The following REXO5 variants were observed in gnomAD, a reference collection of about 807,000 sequenced individuals.
REXO5 encodes RNA exonuclease 5.
Under a neutral mutation model 88.5 loss-of-function variants are expected in REXO5, and 48 were observed. The observed-to-expected ratio is 0.54, with a 90% CI of 0.43 to 0.69. The LOEUF (loss-of-function observed/expected upper bound fraction) is 0.69, where lower values mean the gene tolerates loss of function less well. REXO5 is among the 30% of genes least tolerant of loss of function. The pLI is 0.00. For synonymous variants in REXO5, 311 were observed against 336.5 expected, an observed-to-expected ratio of 0.92 and a Z score of 0.83; for missense variants, 749 against 912.2, an observed-to-expected ratio of 0.82 and a Z score of 2.30.
intron 5 of REXO5, among the ~76,000 whole-genome samples, chr16:20,817,288 A>G (rs1324156441): frequency 6.6e-6 from 1 of 152,122 alleles, no homozygotes; most frequent in African/African-American, 2.4e-5. Context: ...TTGATCTGCA[A>G]TTGTATTTGA....
chr16:20,822,110 A>G (rs1476400643), intron 6 of REXO5, among the ~76,000 whole-genome samples: 2 of 152,242 alleles, frequency 1.3e-5, no homozygotes, highest in African/African-American at 4.8e-5. Flanking sequence ...GATTTTAGGT[A>G]GTACATGAAT....
chr16:20,810,767 C>G (rs2080985735), intron 2 of REXO5, among the ~76,000 whole-genome samples: 1 of 152,130 alleles, frequency 6.6e-6, no homozygotes, highest in Non-Finnish European at 1.5e-5. Context: ...TATATTTGAT[C>G]AATCCTTATT....
intron 13 of REXO5, among the ~76,000 whole-genome samples, chr16:20,839,423 A>T: frequency 6.7e-6 from 1 of 149,436 alleles, no homozygotes; most frequent in Non-Finnish European, 1.5e-5. Flanking sequence ...TGCTTTCCCT[A>T]CTCACAGGCT....
chr16:20,820,170 G>A lies in REXO5; in HGVS notation c.476-1592G>A, dbSNP rs78930454. On this transcript the variant is annotated intron_variant, in intron 5 of 19. Transcript: ENST00000261377. ...CCCCATTACGTATTGAATGGTGGAC[G>A]AAAGTTAATTATGCTCCTGTCTCAA... Among the ~76,000 whole-genome samples, 17 of 152,196 alleles carry A rather than the reference G, an allele frequency of 1.1e-4. 1 individual carries two copies. In the East Asian group the frequency reaches 2.9e-3, roughly 26 times the overall value.
intron 18 of REXO5, 150 bp from the exon 19 acceptor site, chr16:20,846,071 G>A (rs372302462): frequency 4.2e-5 from 28 of 666,748 alleles, no homozygotes; most frequent in Non-Finnish European, 8.0e-6. Context: ...CAGAGAACCT[G>A]CAGTGTGGGC....
intron 15 of REXO5, among the ~76,000 whole-genome samples, chr16:20,840,700 GC>G (rs1272523082): frequency 1.3e-5 from 2 of 152,188 alleles, no homozygotes; most frequent in Non-Finnish European, 2.9e-5. Flanking sequence ...GGGCGCAGTG[GC>G]CTATACCTGT....
Position 20,821,772 on chromosome 16 carries a change from T to G in REXO5, c.486T>G (p.Pro162=). Residue 162 remains proline (P), a synonymous_variant, in exon 6 of 20, where the codon CCT becomes CCG. Transcript: ENST00000261377. ...DLPKTMEGPL[P]SNAKAAINLQ... Reference sequence around the variant, plus strand: ...TTGTTTTTCTTTCAGGGCCTTTACCTTCTAATGCAAAAGCCGCCATCAACC... The same window carrying G: ...TTGTTTTTCTTTCAGGGCCTTTACCGTCTAATGCAAAAGCCGCCATCAACC... 6.3e-7 allele frequency: 1 copy of G among 1,585,080 alleles called. No individual in the cohort carries two copies. The highest frequency in any genetic ancestry group is 8.5e-7 in the Non-Finnish European group (1 of 1,171,600).
chr16:20,816,769 T>C (rs892337926), intron 5 of REXO5, among the ~76,000 whole-genome samples: 2 of 152,212 alleles, frequency 1.3e-5, no homozygotes, highest in African/African-American at 2.4e-5. Flanking sequence ...GTATCACTGA[T>C]GTTGGACTCT....
At chr16:20,820,546 T>TATATA (rs2081167098) in intron 5 of REXO5, among the ~76,000 whole-genome samples, 2 of 17,458 alleles carry the variant, frequency 1.1e-4, no homozygotes, top group African/African-American at 4.5e-4. Flanking sequence ...ATATATATAT[T>TATATA]TTTTTTTTTT....
intron 15 of REXO5, among the ~76,000 whole-genome samples, chr16:20,843,093 G>A (rs2081555370): frequency 6.6e-6 from 1 of 152,176 alleles, no homozygotes; most frequent in Admixed American, 6.5e-5. Context: ...AATGATTAGT[G>A]ATGTTGAGTG....
chr16:20,847,961 A>G (rs554380941), intron 19 of REXO5, among the ~76,000 whole-genome samples: 2 of 152,358 alleles, frequency 1.3e-5, no homozygotes, highest in East Asian at 3.9e-4. Flanking sequence ...TGCTGGGGTC[A>G]GGGAGCAAAA....
At chr16:20,840,971 G>C (rs983997243) in intron 15 of REXO5, among the ~76,000 whole-genome samples, 3 of 152,080 alleles carry the variant, frequency 2.0e-5, no homozygotes, top group African/African-American at 7.2e-5. Context: ...CTTTCAAAAA[G>C]AGAAGTAACT....
At chr16:20,820,546 T>TATATATATA (rs2081167098) in intron 5 of REXO5, among the ~76,000 whole-genome samples, 1 of 17,458 alleles carries the variant, frequency 5.7e-5, no homozygotes, top group African/African-American at 2.3e-4. Flanking sequence ...ATATATATAT[T>TATATATATA]TTTTTTTTTT....
chr16:20,814,870 G>A (rs2081057422), intron 3 of REXO5, 57 bp from the exon 4 acceptor site: 3 of 1,544,590 alleles, frequency 1.9e-6, no homozygotes, highest in Non-Finnish European at 8.7e-7. Context: ...CCCTCTATAT[G>A]ACTGTAACTG....
rs561677769 is a variant in REXO5 at position 20,821,901 on chromosome 16, A to T, written c.615A>T (p.Gln205His). 8.9e-6 allele frequency: 14 copies of T among 1,575,862 alleles called. No homozygotes were observed. Among genetic ancestry groups the T allele is most frequent in the Non-Finnish European group, 1.2e-5 (14 of 1,166,412 alleles). ...EEMRTFHFPLQGFPDCENFLL... is the reference protein window; with the variant it reads ...EEMRTFHFPLHGFPDCENFLL... ...TGAGAACGTTTCACTTTCCATTACA[A>T]GGTTGGCTTAGGCTTACTCTGATAT... The change falls in exon 6 of 20, where the codon CAA becomes CAT. Residue 205 changes from glutamine to histidine, a missense_variant and splice_region_variant. By Grantham distance (24) the Gln-to-His change is conservative (BLOSUM62 0). Coordinates refer to ENST00000261377, the MANE Select transcript of REXO5 (RefSeq NM_030941.3).
rs2152498209 is a variant in REXO5 at position 20,807,880 on chromosome 16, T to A, written c.138+789T>A. On this transcript the variant is annotated intron_variant, in intron 2 of 19. Transcript: ENST00000261377. ...AGTAGGGCGGGGGTCCCCAACCCCC[T>A]GTGCACAGACTAGTACCTGCCTGTC... Among the ~76,000 whole-genome samples the A allele has an allele frequency of 2.0e-5, 3 of 152,220 alleles. No individual in the cohort carries two copies. In the Middle Eastern group the frequency reaches 0.01, roughly 518 times the overall value.
chr16:20,837,366 GTTTCT>G (rs905299725), intron 13 of REXO5, among the ~76,000 whole-genome samples: 10 of 152,052 alleles, frequency 6.6e-5, no homozygotes, highest in African/African-American at 1.9e-4. Flanking sequence ...TTAGGTTATA[GTTTCT>G]TTTATTTCCA....
rs1033231589 is a variant in REXO5, at chr16:20,849,563, A to G, written c.*83A>G. 1.5e-5 allele frequency: 18 copies of G among 1,213,208 alleles called. No homozygotes were observed. Among genetic ancestry groups the G allele is most frequent in the Admixed American group, 3.6e-5 (2 of 56,250 alleles). 75.2% of individuals were successfully genotyped at this position (1,213,208 alleles called of 1,614,324 possible). A position where few individuals can be genotyped will look rare whatever the true frequency, so the allele number is the denominator to read the frequency against. On this transcript the variant is annotated 3_prime_UTR_variant, in exon 20 of 20. Transcript: ENST00000261377. The stretch of plus-strand genomic sequence containing the variant: ...ATGTGGTCAGGCTGTAGCCTCCCCA[A>G]CCAGCAGACAGCTTTATGGAAACTT...
rs1474748517 is a variant in REXO5, at chr16:20,839,852, A to G, written c.1481A>G (p.Asn494Ser). The G allele has an allele frequency of 6.3e-7, 1 of 1,599,068 alleles. No homozygotes were observed. Among genetic ancestry groups the G allele is most frequent in the Non-Finnish European group, 8.6e-7 (1 of 1,167,006 alleles). The change falls in exon 14 of 20, where the codon AAC (asparagine) becomes AGC (serine). Residue 494 changes from asparagine to serine, a missense_variant. By Grantham distance (46) the Asn-to-Ser change is conservative. Coordinates refer to ENST00000261377, the MANE Select transcript of REXO5 (RefSeq NM_030941.3). ...TCACCTGTCCTCACTGAGGAGATGA[A>G]CAAAAGGGTAAGTGAATGGGTTCTG... ...AFSPVLTEEMNKRMRIKWTEI... is the reference protein window; with the variant it reads ...AFSPVLTEEMSKRMRIKWTEI...
Sources: gnomAD v4.1 joint callset for allele counts (sites outside exome capture counted in the v4.1 genomes callset) on GRCh38, gnomAD v4.1.1 for gene constraint, MANE v1.5 for transcripts, NCBI Gene and HGNC (gene_info 2026-07-23, HGNC 2026-07-21) for gene names.